PLCB2: variants seen among roughly 807,000 people sequenced by gnomAD.
The protein encoded by PLCB2 is phospholipase C beta 2.
In PLCB2, 115 loss-of-function variants were observed where a neutral mutation model predicts 141.7. The observed-to-expected ratio is 0.81, with a 90% CI of 0.70 to 0.95. The LOEUF (loss-of-function observed/expected upper bound fraction) is 0.95, where lower values mean the gene tolerates loss of function less well. Among genes scored for constraint, PLCB2 ranks in the 40% least tolerant of loss-of-function variants. The pLI is 0.00. For missense variants in PLCB2, 1,403 were observed against 1,541.1 expected (o/e 0.91, Z 1.50); for synonymous variants, 603 against 595.6 (o/e 1.01, Z -0.18).
Position 40,297,460 on chromosome 15 carries a change from C to A in PLCB2, c.1323+61G>T. The A allele has an allele frequency of 7.7e-7, 1 of 1,300,732 alleles. No homozygotes were observed. The allele number at this position is 1,300,732 out of a possible 1,614,324, so 80.6% of individuals were successfully genotyped here. On this transcript the variant is annotated intron_variant, in intron 13 of 31. Coordinates refer to ENST00000260402, the MANE Select transcript of PLCB2 (RefSeq NM_004573.3). The surrounding 1 kb of genome is among the most constrained non-coding windows in gnomAD (Gnocchi z 4.2). ...GAGTGTCTCCCTCCCTAACCTGGTT[C>A]TCACCCTGCCCCAGGTTCCCAGGCC...
Position 40,298,361 on chromosome 15 carries a change from G to C in PLCB2, c.1017C>G (p.Leu339=), listed in dbSNP as rs1460619730. 1 of 1,591,706 alleles carries C rather than the reference G, an allele frequency of 6.3e-7. No homozygotes were observed. Among genetic ancestry groups the C allele is most frequent in the Admixed American group, 1.7e-5 (1 of 58,680 alleles). The part of the protein sequence containing the change: ...TYLTAGQFSG[L]SSAEMYRQVL... ...CCTGGCGGTACATCTCAGCCGAGGA[G>C]AGGCCTGAGAACTGGCCGGCTGAGC... Residue 339 remains leucine (L), a synonymous_variant, in exon 11 of 32, where the codon CTC becomes CTG. Transcript: ENST00000260402.
chr15:40,288,562 G>A lies in PLCB2; in HGVS notation c.*153C>T. 7.2e-7 allele frequency: 1 copy of A among 1,383,768 alleles called. No individual in the cohort carries two copies. Among genetic ancestry groups the A allele is most frequent in the Non-Finnish European group, 9.4e-7 (1 of 1,069,428 alleles). 85.7% of individuals were successfully genotyped at this position (1,383,768 alleles called of 1,614,324 possible). On this transcript the variant is annotated 3_prime_UTR_variant, in exon 32 of 32. Transcript: ENST00000260402. ...TGCCTGGGTCCTGTCTCAGACTCTG[G>A]CCTGGCCGTTGAGGAGGGGGCTGCA...
In PLCB2 at chr15:40,307,627, A is replaced by G; in HGVS notation, c.46T>C (p.Tyr16His). ...PVLLPPKVKA[Y>H]LSQGERFIKW... The stretch of plus-strand genomic sequence containing the variant: ...ATGAAGCGCTCCCCTTGGCTCAGAT[A>G]GGCCTTCACCTTGGGGGGCAGCAGG... The change falls in exon 1 of 32, where the codon TAT becomes CAT. Residue 16 changes from tyrosine to histidine, a missense_variant. By Grantham distance (83) the Tyr-to-His change is moderately conservative (BLOSUM62 2). Transcript: ENST00000260402. 1 of 1,588,046 alleles carries G rather than the reference A, an allele frequency of 6.3e-7. No individual in the cohort carries two copies. Among genetic ancestry groups the G allele is most frequent in the South Asian group, 1.1e-5 (1 of 87,218 alleles).
At chr15:40,290,454 G>T in intron 29 of PLCB2, 123 bp downstream of exon 29, 1 of 767,820 alleles carries the variant, frequency 1.3e-6, no homozygotes, top group Non-Finnish European at 2.3e-6. Context: ...GGGGGGATCC[G>T]CTTTTTGGAG....
chr15:40,285,383 C>G (rs1424253072), downstream of PLCB2: 1 of 322,730 alleles, frequency 3.1e-6, no homozygotes, highest in Admixed American at 6.5e-5. Flanking sequence ...TGCATATTCT[C>G]AGCTGCAAAA....
At position 40,288,582 on chromosome 15, in the gene PLCB2, G is replaced by C; in HGVS notation, c.*133C>G. ...CTCTGGCCTGGCCGTTGAGGAGGGG[G>C]CTGCAGCGTCCAAGGCAGCCACAGG... On this transcript the variant is annotated 3_prime_UTR_variant, in exon 32 of 32. Coordinates refer to ENST00000260402, the MANE Select transcript of PLCB2 (RefSeq NM_004573.3). The C allele has an allele frequency of 7.1e-7, 1 of 1,407,450 alleles. No homozygotes were observed. Among genetic ancestry groups the C allele is most frequent in the Non-Finnish European group, 9.2e-7 (1 of 1,082,718 alleles). 87.2% of individuals were successfully genotyped at this position (1,407,450 alleles called of 1,614,324 possible). A position where few individuals can be genotyped will look rare whatever the true frequency, so the allele number is the denominator to read the frequency against.
downstream of PLCB2, among the ~76,000 whole-genome samples, chr15:40,286,851 G>A (rs370475120): frequency 1.3e-5 from 2 of 152,226 alleles, no homozygotes; most frequent in Non-Finnish European, 2.9e-5. Flanking sequence ...AGGCCTCTCC[G>A]GGGGCAGGAT....
At position 40,290,604 on chromosome 15, in the gene PLCB2, ACTT is replaced by A. The variant is rs774940043; in HGVS notation, c.3179_3181del (p.Lys1060_Val1061delinsIle). ...CTCCTGGGCCATCTTGTCTGTGGTG[ACTT>A]TGGTCATGCCCTGGATCCGCTCCAG... On this transcript the variant is annotated inframe_deletion, in exon 29 of 32. Transcript: ENST00000260402. 8.7e-6 allele frequency: 14 copies of A among 1,613,722 alleles called. No individual in the cohort carries two copies. The African/African-American group carries it at 1.6e-4, about 18-fold the overall frequency.
intron 16 of PLCB2, among the ~76,000 whole-genome samples, chr15:40,295,888 G>C (rs768115450): frequency 6.6e-6 from 1 of 152,166 alleles, no homozygotes; most frequent in Non-Finnish European, 1.5e-5. Flanking sequence ...GTAAACAGCC[G>C]GGCTGTCCAT....
At chr15:40,295,378 T>C (rs1392361806) in intron 16 of PLCB2, 93 bp from the exon 17 acceptor site, 1 of 815,992 alleles carries the variant, frequency 1.2e-6, no homozygotes, top group Admixed American at 1.9e-5. Context: ...CTCTGGCCTA[T>C]AGAGATGCCT....
rs760409056 is a variant in PLCB2, at chr15:40,297,872, C to A, written c.1238+5G>T. On this transcript the variant is annotated splice_donor_5th_base_variant and intron_variant, in intron 12 of 31. Transcript: ENST00000260402. This position sits in a 1 kb window ranked among gnomAD's most constrained non-coding sequence, Gnocchi z 4.2. ...GAATGTGGCTGAATGGGCCTGGATA[C>A]GCACGAGTCCACATGGTTCTCAAAC... 1.9e-6 allele frequency: 3 copies of A among 1,610,060 alleles called. No homozygotes were observed. The highest frequency in any genetic ancestry group is 2.5e-6 in the Non-Finnish European group (3 of 1,176,624).
In PLCB2 at chr15:40,291,832, C is replaced by A. The variant is rs756543640; in HGVS notation, c.2602+17G>T. ...GGTGGAGGTGCCCCCAGTAGGTGTG[C>A]GGACCGAAGCTCATACCTGGTGACC... is the stretch of plus-strand genomic sequence containing the variant. On this transcript the variant is annotated intron_variant, in intron 24 of 31. Transcript: ENST00000260402. 5.6e-6 allele frequency: 9 copies of A among 1,613,774 alleles called. No individual in the cohort carries two copies. The East Asian group carries it at 1.8e-4, about 32-fold the overall frequency.
chr15:40,301,991 G>T lies in PLCB2; in HGVS notation c.548C>A (p.Ala183Asp), dbSNP rs752893865. 2 of 1,614,096 alleles carry T rather than the reference G, an allele frequency of 1.2e-6. No homozygotes were observed. Among genetic ancestry groups the T allele is most frequent in the Non-Finnish European group, 1.7e-6 (2 of 1,179,974 alleles). ...MFPADRKRVE[A>D]ALSACHLPKG... ...GGGGAGGTGGCAGGCACTGAGAGCA[G>T]CTTCCACCCGCTTGCGGTCAGCAGG... Residue 183 changes from alanine to aspartate, a missense_variant, in exon 7 of 32, where the codon GCT becomes GAT. Around this residue, in one of 4 missense-constraint regions of PLCB2, gnomAD observed 975 missense variants for 1,141.1 expected, o/e 0.85. Coordinates refer to ENST00000260402, the MANE Select transcript of PLCB2 (RefSeq NM_004573.3).
intron 1 of PLCB2, among the ~76,000 whole-genome samples, chr15:40,305,711 C>T (rs1566893855): frequency 6.6e-6 from 1 of 152,236 alleles, no homozygotes; most frequent in Non-Finnish European, 1.5e-5. Context: ...TCAAAAATGT[C>T]CTCCAGAGAA....
intron 30 of PLCB2, 77 bp downstream of exon 30, chr15:40,289,948 A>AGTGT (rs2039777485): frequency 3.0e-6 from 1 of 338,768 alleles, no homozygotes; most frequent in Non-Finnish European, 5.9e-6. Flanking sequence ...AGAGAGAGAG[A>AGTGT]GAGAGAGAGA....
In PLCB2 at chr15:40,298,655, C is replaced by T. The variant is rs377255161; in HGVS notation, c.904G>A (p.Val302Met). ...AGCAGCAGCTTGTCCTGGGCCAGCA[C>T]GCTGTTCTCTGGCCCACAGAGAAAC... is the stretch of plus-strand genomic sequence containing the variant. ...VWFLCGPENS[V>M]LAQDKLLLHH... Residue 302 changes from valine to methionine, a missense_variant, in exon 10 of 32, where the codon GTG (valine) becomes ATG (methionine). By Grantham distance (21) the Val-to-Met change is conservative. Around this residue, in one of 4 missense-constraint regions of PLCB2, gnomAD observed 975 missense variants for 1,141.1 expected, o/e 0.85. Coordinates refer to ENST00000260402, the MANE Select transcript of PLCB2 (RefSeq NM_004573.3). The T allele has an allele frequency of 1.4e-5, 22 of 1,614,040 alleles. No homozygotes were observed. Among genetic ancestry groups the T allele is most frequent in the Middle Eastern group, 1.6e-4 (1 of 6,082 alleles).
Position 40,293,734 on chromosome 15 carries a change from G to T in PLCB2, c.2062-10C>A. Reference sequence around the variant, plus strand: ...ACTGCCCAGAGATCACCTGGGGGTAGGGGCCCAGGAAAACCAGCATCAAAT... The same window carrying T: ...ACTGCCCAGAGATCACCTGGGGGTATGGGCCCAGGAAAACCAGCATCAAAT... On this transcript the variant is annotated splice_polypyrimidine_tract_variant and intron_variant, in intron 19 of 31. Transcript: ENST00000260402. 1 of 1,602,038 alleles carries T rather than the reference G, an allele frequency of 6.2e-7. No homozygotes were observed. Among genetic ancestry groups the T allele is most frequent in the Non-Finnish European group, 8.5e-7 (1 of 1,170,524 alleles).
downstream of PLCB2, among the ~76,000 whole-genome samples, chr15:40,285,146 G>A (rs990586121): frequency 1.3e-5 from 2 of 152,208 alleles, no homozygotes; most frequent in East Asian, 1.9e-4. Flanking sequence ...CCTTGAATTT[G>A]GCACCCAGGC....
At chr15:40,292,479 C>A in intron 21 of PLCB2, 36 bp from the exon 22 acceptor site, 2 of 1,451,714 alleles carry the variant, frequency 1.4e-6, no homozygotes, top group East Asian at 2.3e-5. Context: ...TGAGCCAGAG[C>A]CCGTTCCTGC....
Sources: allele counts gnomAD v4.1 joint callset (sites outside exome capture counted in the v4.1 genomes callset), GRCh38; gene constraint gnomAD v4.1.1; regional missense constraint gnomAD v4.1.1; non-coding constraint Gnocchi (gnomAD v3.1); transcripts MANE v1.5; gene names NCBI Gene and HGNC (gene_info 2026-07-23, HGNC 2026-07-21).